Variants in EGLN1 observed in about 807,000 individuals in gnomAD.
EGLN1 encodes egl-9 family hypoxia inducible factor 1.
EGLN1 carries 17 observed loss-of-function variants against 38.3 expected under a neutral mutation model. That is an observed-to-expected ratio of 0.44 (90% CI 0.30 to 0.67). EGLN1 has a LOEUF of 0.67. EGLN1 is among the 30% of genes least tolerant of loss of function. EGLN1 has a pLI of 0.08. For synonymous variants in EGLN1, 283 were observed against 257.5 expected (o/e 1.10, Z -0.95); for missense variants, 477 against 603.3 (o/e 0.79, Z 2.19).
At chr1:231,393,705 C>T (rs1376653651) in intron 1 of EGLN1, among the ~76,000 whole-genome samples, 1 of 152,102 alleles carries the variant, frequency 6.6e-6, no homozygotes, top group Non-Finnish European at 1.5e-5. Context: ...CTCTCCTATC[C>T]AACCTCAAAT....
intron 1 of EGLN1, among the ~76,000 whole-genome samples, chr1:231,416,012 C>T (rs1689070462): frequency 6.6e-6 from 1 of 152,120 alleles, no homozygotes; most frequent in Non-Finnish European, 1.5e-5. Context: ...CTACACCCAG[C>T]TTATTTTTGT....
chr1:231,414,008 G>A (rs1689015978), intron 1 of EGLN1, among the ~76,000 whole-genome samples: 1 of 152,110 alleles, frequency 6.6e-6, no homozygotes, highest in African/African-American at 2.4e-5. Flanking sequence ...TTTTGACTAC[G>A]AAATAAGGCA....
intron 1 of EGLN1, among the ~76,000 whole-genome samples, chr1:231,415,642 T>G (rs1689060190): frequency 6.6e-6 from 1 of 152,164 alleles, no homozygotes; most frequent in African/African-American, 2.4e-5. Flanking sequence ...CATAGCGCTT[T>G]ACCATCTAAA....
intron 1 of EGLN1, among the ~76,000 whole-genome samples, chr1:231,399,051 T>C (rs928100851): frequency 6.6e-6 from 1 of 152,202 alleles, no homozygotes; most frequent in Admixed American, 6.5e-5. Context: ...AAACATTTAA[T>C]GGCAGTTTGA....
intron 1 of EGLN1, among the ~76,000 whole-genome samples, chr1:231,411,780 C>T (rs1017335007): frequency 1.3e-5 from 2 of 151,680 alleles, no homozygotes; most frequent in East Asian, 1.9e-4. Flanking sequence ...GGGCGGATCA[C>T]GAGGTCAGGA....
chr1:231,405,340 C>G (rs530942958), intron 1 of EGLN1, among the ~76,000 whole-genome samples: 2 of 151,904 alleles, frequency 1.3e-5, no homozygotes, highest in Non-Finnish European at 2.9e-5. Context: ...CCACCATGCC[C>G]GGCTTTTTTT....
intron 1 of EGLN1, among the ~76,000 whole-genome samples, chr1:231,419,166 A>C (rs576295460): frequency 2.0e-5 from 3 of 152,180 alleles, no homozygotes; most frequent in African/African-American, 7.2e-5. Flanking sequence ...TCCCTCCTTC[A>C]TCCTGTCCCT....
At chr1:231,373,943 T>TG in intron 2 of EGLN1, 37 bp downstream of exon 2, 1 of 1,611,312 alleles carries the variant, frequency 6.2e-7, no homozygotes, top group Admixed American at 1.7e-5. Flanking sequence ...AAAAGACACC[T>TG]GTAAGAAAAA....
Position 231,390,433 on chromosome 1 carries a change from TCAC to T in EGLN1, c.892-16337_892-16335del, listed in dbSNP as rs371718704. ...AGTTTAATCTTTATAGTCTCAATCC[TCAC>T]CACAACTGTGTAAATGTCTACTACT... On this transcript the variant is annotated intron_variant, in intron 1 of 4. Transcript: ENST00000366641. 1.2e-4 allele frequency among the ~76,000 whole-genome samples: 19 copies of T among 152,350 alleles called. No homozygotes were observed. In the East Asian group the frequency reaches 3.1e-3, roughly 25 times the overall value.
chr1:231,418,862 C>CA lies in EGLN1; in HGVS notation c.891+2135dup, dbSNP rs746584010. ...GGGCAACAAAGCAAGACCCTGTCTC[C>CA]AAAAAAAAAAAAAAAAATACTCTGA... On this transcript the variant is annotated intron_variant, in intron 1 of 4. Coordinates refer to ENST00000366641, the MANE Select transcript of EGLN1 (RefSeq NM_022051.3). 6.3e-3 allele frequency among the ~76,000 whole-genome samples: 591 copies of CA among 94,338 alleles called. 1 individual carries two copies. The highest frequency in any genetic ancestry group is 0.011 in the Middle Eastern group (2 of 182). The allele number at this position is 94,338 out of a possible 152,430, so 61.9% of individuals were successfully genotyped here. A position where few individuals can be genotyped will look rare whatever the true frequency, so the allele number is the denominator to read the frequency against.
intron 1 of EGLN1, among the ~76,000 whole-genome samples, chr1:231,385,884 T>C (rs1688192872): frequency 6.6e-6 from 1 of 152,168 alleles, no homozygotes. Flanking sequence ...TGAGACACGG[T>C]CTTGCTCTGT....
chr1:231,412,011 C>CAAAAAAAAAA lies in EGLN1; in HGVS notation c.891+8977_891+8986dup, dbSNP rs747472895. Among the ~76,000 whole-genome samples the CAAAAAAAAAA allele has an allele frequency of 3.3e-4, 11 of 33,666 alleles. 3 individuals carry two copies. Among genetic ancestry groups the CAAAAAAAAAA allele is most frequent in the African/African-American group, 4.4e-4 (5 of 11,288 alleles). The allele number at this position is 33,666 out of a possible 152,430, so 22.1% of individuals were successfully genotyped here. On this transcript the variant is annotated intron_variant, in intron 1 of 4. Coordinates refer to ENST00000366641, the MANE Select transcript of EGLN1 (RefSeq NM_022051.3). Reference sequence around the variant, plus strand: ...TGGGTGACAGAGTGAGACTCCATCTCAAAAAAAAAAAAAAAAAAAAAAAAA... The same window carrying CAAAAAAAAAA: ...TGGGTGACAGAGTGAGACTCCATCTCAAAAAAAAAAAAAAAAAAAAAAAAAAAAAAAAAAA...
intron 1 of EGLN1, among the ~76,000 whole-genome samples, chr1:231,394,583 G>T (rs1432585370): frequency 2.0e-5 from 3 of 150,502 alleles, no homozygotes; most frequent in East Asian, 3.9e-4. Flanking sequence ...TAGAGACGGG[G>T]TTTCACCGTG....
rs68152109 is a variant in EGLN1 at position 231,409,241 on chromosome 1, T to TAA, written c.891+11755_891+11756dup. On this transcript the variant is annotated intron_variant, in intron 1 of 4. Coordinates refer to ENST00000366641, the MANE Select transcript of EGLN1 (RefSeq NM_022051.3). Reference sequence around the variant, plus strand: ...CTTTAGAAGTCTTAGCCTAATTTCTTAAAAAAAAAAAAAAACAAAAAAAAA... The same window carrying TAA: ...CTTTAGAAGTCTTAGCCTAATTTCTTAAAAAAAAAAAAAAAAACAAAAAAAAA... 5.2e-3 allele frequency among the ~76,000 whole-genome samples: 626 copies of TAA among 120,710 alleles called. 1 individual carries two copies. Among genetic ancestry groups the TAA allele is most frequent in the South Asian group, 0.013 (43 of 3,420 alleles). The allele number at this position is 120,710 out of a possible 152,430, so 79.2% of individuals were successfully genotyped here. A position where few individuals can be genotyped will look rare whatever the true frequency, so the allele number is the denominator to read the frequency against.
intron 3 of EGLN1, chr1:231,369,705 C>A: frequency 1.8e-6 from 1 of 550,290 alleles, no homozygotes; most frequent in Non-Finnish European, 2.3e-6. Flanking sequence ...AGCCAACTCT[C>A]CACCCAGCGC....
chr1:231,401,313 C>T (rs767926044), intron 1 of EGLN1, among the ~76,000 whole-genome samples: 1 of 152,114 alleles, frequency 6.6e-6, no homozygotes. Flanking sequence ...ACCTGCACCT[C>T]ATATGGTTGC....
intron 1 of EGLN1, among the ~76,000 whole-genome samples, chr1:231,391,092 T>TTTTTG (rs1553353098): frequency 1.5e-5 from 1 of 67,366 alleles, no homozygotes; most frequent in African/African-American, 4.8e-5. Context: ...TGTTTTTTTT[T>TTTTTG]TGTGTGTGTG....
At chr1:231,404,710 A>C (rs1452782065) in intron 1 of EGLN1, among the ~76,000 whole-genome samples, 5 of 152,178 alleles carry the variant, frequency 3.3e-5, no homozygotes, top group African/African-American at 1.2e-4. Context: ...TTTTAAAATT[A>C]ATTAACATCT....
At chr1:231,379,649 C>A (rs189003719) in intron 1 of EGLN1, among the ~76,000 whole-genome samples, 1 of 152,176 alleles carries the variant, frequency 6.6e-6, no homozygotes. Context: ...CCCATATTCA[C>A]TCACACTAAG....
Sources: gnomAD v4.1 joint callset for allele counts (sites outside exome capture counted in the v4.1 genomes callset) on GRCh38, gnomAD v4.1.1 for gene constraint, MANE v1.5 for transcripts, NCBI Gene and HGNC (gene_info 2026-07-23, HGNC 2026-07-21) for gene names.